ANK2: variants seen among roughly 807,000 people sequenced by gnomAD.
The protein encoded by ANK2 is ankyrin 2, also known as ankyrin-2.
ANK2 carries 83 observed loss-of-function variants against 360.5 expected under a neutral mutation model. The observed-to-expected ratio is 0.23, with a 90% CI of 0.19 to 0.28. ANK2 has a LOEUF of 0.28. Among genes scored for constraint, ANK2 ranks in the 10% least tolerant of loss-of-function variants. ANK2 has a pLI of 1.00. For synonymous variants in ANK2, 1,740 were observed against 1,759.5 expected, an observed-to-expected ratio of 0.99 and a Z score of 0.28; for missense variants, 4,201 against 4,795.7, an observed-to-expected ratio of 0.88 and a Z score of 3.66.
chr4:113,354,459 G>A lies in ANK2; in HGVS notation c.5841G>A (p.Lys1947=). The A allele has an allele frequency of 1.2e-6, 2 of 1,614,114 alleles. No individual in the cohort carries two copies. The highest frequency in any genetic ancestry group is 2.2e-5 in the South Asian group (2 of 91,076). ...TTTCACCCTCCGGAAGAACGGACAA[G>A]CACCAACCTGTATCAACAGCTGGGA... The part of the protein sequence containing the change: ...LPVSPSGRTD[K]HQPVSTAGKT... Residue 1947 remains lysine (K), a synonymous_variant, in exon 38 of 46, where the codon AAG becomes AAA. Transcript: ENST00000357077.
At chr4:113,007,297 G>A (rs1328226679) in intron 2 of ANK2, among the ~76,000 whole-genome samples, 1 of 152,102 alleles carries the variant, frequency 6.6e-6, no homozygotes, top group Admixed American at 6.5e-5. Flanking sequence ...TCAGAATGGC[G>A]TTTTCACACA....
intron 2 of ANK2, among the ~76,000 whole-genome samples, chr4:113,020,556 G>T (rs970393834): frequency 6.6e-6 from 1 of 152,070 alleles, no homozygotes; most frequent in African/African-American, 2.4e-5. Context: ...GGCCGGCTGC[G>T]CTGGCTCACG....
chr4:113,269,922 T>C (rs1477825086), intron 14 of ANK2, among the ~76,000 whole-genome samples: 1 of 152,232 alleles, frequency 6.6e-6, no homozygotes, highest in Non-Finnish European at 1.5e-5. Context: ...ACTCTTGTTG[T>C]CTTGGTTTTC....
At chr4:112,958,081 G>C (rs1259101938) in intron 2 of ANK2, among the ~76,000 whole-genome samples, 2 of 151,778 alleles carry the variant, frequency 1.3e-5, no homozygotes, top group Non-Finnish European at 2.9e-5. Context: ...TGGGATGGCG[G>C]CCGGGCAGAG....
chr4:113,068,416 T>C (rs566659157), intron 1 of ANK2, among the ~76,000 whole-genome samples: 1 of 152,324 alleles, frequency 6.6e-6, no homozygotes, highest in African/African-American at 2.4e-5. Flanking sequence ...ATTGAATATG[T>C]TGTGAATGTC....
intron 1 of ANK2, among the ~76,000 whole-genome samples, chr4:112,830,750 C>T (rs1214027338): frequency 1.3e-5 from 2 of 152,202 alleles, no homozygotes; most frequent in African/African-American, 4.8e-5. Flanking sequence ...GTGGGAGCCC[C>T]TCTCTGGGCT....
chr4:113,062,233 A>G (rs1034895433), intron 1 of ANK2, among the ~76,000 whole-genome samples: 6 of 152,088 alleles, frequency 3.9e-5, no homozygotes. Flanking sequence ...GTCAGGATCT[A>G]TTGGCAGTTT....
the ANK2 span, chr4:112,788,906 T>C: frequency 1.5e-6 from 1 of 656,846 alleles, no homozygotes; most frequent in Non-Finnish European, 2.7e-6. Flanking sequence ...GAGAGTTTTT[T>C]TAATTATTAA....
At chr4:112,754,501 T>TAG in the ANK2 span, among the ~76,000 whole-genome samples, 1 of 106,558 alleles carries the variant, frequency 9.4e-6, no homozygotes, top group Non-Finnish European at 1.8e-5. Context: ...TTTGTATTGT[T>TAG]ATGAGTTTTT....
chr4:113,118,841 A>C (rs1197555092), intron 1 of ANK2, among the ~76,000 whole-genome samples: 1 of 152,188 alleles, frequency 6.6e-6, no homozygotes, highest in Non-Finnish European at 1.5e-5. Context: ...TTTGTTCTCC[A>C]AAACACAGTA....
rs143927112 is a variant in ANK2, at chr4:112,878,744, C to T, written c.-39-25711C>T. ...CGCCTCTCGTGTTCACGCCATTTTC[C>T]TGCCTCAGCCTGTCCGAGTAGCTGG... On this transcript the variant is annotated intron_variant, in intron 1 of 30. Transcript: ENST00000503271. Among the ~76,000 whole-genome samples the T allele has an allele frequency of 1.1e-3, 169 of 152,264 alleles. 2 individuals are homozygous for T. In the East Asian group the frequency reaches 0.027, roughly 24 times the overall value.
chr4:112,905,078 G>T (rs1044993835), intron 2 of ANK2, among the ~76,000 whole-genome samples: 10 of 152,138 alleles, frequency 6.6e-5, no homozygotes, highest in African/African-American at 2.4e-4. Flanking sequence ...AAAATTCTTA[G>T]TCTATTTATA....
chr4:113,369,893 A>C, intron 43 of ANK2, 88 bp downstream of exon 43: 1 of 1,556,480 alleles, frequency 6.4e-7, no homozygotes, highest in Non-Finnish European at 8.8e-7. Flanking sequence ...TATTTTTTGC[A>C]CTTCAAAACA....
At chr4:112,761,281 T>G in the ANK2 span, among the ~76,000 whole-genome samples, 2 of 152,168 alleles carry the variant, frequency 1.3e-5, no homozygotes, top group Admixed American at 1.3e-4. Flanking sequence ...TGTAAGCCTT[T>G]CTATGGTGTC....
intron 19 of ANK2, among the ~76,000 whole-genome samples, chr4:113,287,931 C>T (rs2065525326): frequency 6.6e-6 from 1 of 152,178 alleles, no homozygotes. Context: ...AGGAAGACTC[C>T]AATTTTGCAG....
intron 20 of ANK2, among the ~76,000 whole-genome samples, chr4:113,290,012 A>G (rs528924649): frequency 1.5e-4 from 23 of 152,320 alleles, no homozygotes; most frequent in African/African-American, 5.3e-4. Flanking sequence ...GAAAATGCTT[A>G]TCATATTTTT....
chr4:113,054,839 TC>T (rs1366452741), intron 1 of ANK2, among the ~76,000 whole-genome samples: 3 of 152,218 alleles, frequency 2.0e-5, no homozygotes, highest in Non-Finnish European at 1.5e-5. Flanking sequence ...TCTTTCAATG[TC>T]TTCCTCTCTG....
chr4:113,248,918 A>G (rs189169922), intron 9 of ANK2, among the ~76,000 whole-genome samples: 38 of 152,144 alleles, frequency 2.5e-4, no homozygotes, highest in African/African-American at 8.7e-4. Context: ...CTTCTTGCTC[A>G]CTGTTAATTA....
chr4:113,169,188 T>A (rs932552813), intron 1 of ANK2, among the ~76,000 whole-genome samples: 9 of 152,220 alleles, frequency 5.9e-5, no homozygotes, highest in African/African-American at 2.2e-4. Flanking sequence ...GCTCAAATCA[T>A]CATATTTTTT....
Sources: gnomAD v4.1 joint callset for allele counts (sites outside exome capture counted in the v4.1 genomes callset) on GRCh38, gnomAD v4.1.1 for gene constraint, MANE v1.5 for transcripts, NCBI Gene and HGNC (gene_info 2026-07-23, HGNC 2026-07-21) for gene names.